Variants in POLR2F observed in about 807,000 individuals in gnomAD.
POLR2F encodes the protein DNA-directed RNA polymerases I, II, and III subunit RPABC2.
In POLR2F, 12 loss-of-function variants were observed where a neutral mutation model predicts 22.7. That is an observed-to-expected ratio of 0.53 (90% CI 0.34 to 0.86). The LOEUF (loss-of-function observed/expected upper bound fraction) is 0.86, where lower values mean the gene tolerates loss of function less well. Among genes scored for constraint, POLR2F ranks in the 40% least tolerant of loss-of-function variants. POLR2F has a pLI of 0.02. For synonymous variants in POLR2F, 57 were observed against 66.0 expected (o/e 0.86, Z 0.66); for missense variants, 126 against 171.5 (o/e 0.73, Z 1.48).
chr22:37,958,011 TA>T (rs1272992806), intron 2 of POLR2F, among the ~76,000 whole-genome samples: 2 of 152,128 alleles, frequency 1.3e-5, no homozygotes, highest in African/African-American at 4.8e-5. Context: ...TTGCTTGTTT[TA>T]AATTAAGAAG....
chr22:37,979,394 G>C (rs956091942), intron 4 of POLR2F, among the ~76,000 whole-genome samples: 2 of 152,176 alleles, frequency 1.3e-5, no homozygotes, highest in Non-Finnish European at 1.5e-5. Flanking sequence ...CACCGTGCCC[G>C]GCCCCAAGAG....
chr22:37,956,061 T>A (rs1483580583), intron 1 of POLR2F, among the ~76,000 whole-genome samples: 1 of 151,052 alleles, frequency 6.6e-6, no homozygotes, highest in African/African-American at 2.4e-5. Flanking sequence ...CCTCTTTGAT[T>A]TTTTTTTTGT....
chr22:38,034,271 G>C (rs1048025591), intron 5 of POLR2F: 1 of 166,816 alleles, frequency 6.0e-6, no homozygotes, highest in Non-Finnish European at 1.5e-5. Context: ...ACTGGGCCTC[G>C]GGCCACAGCC....
intron 1 of POLR2F, chr22:37,987,470 G>T: frequency 3.0e-6 from 1 of 335,394 alleles, no homozygotes; most frequent in Non-Finnish European, 5.7e-6. Context: ...TTTATGGAAG[G>T]CTCCGCCTGT....
chr22:37,975,032 C>T (rs139885), intron 4 of POLR2F, among the ~76,000 whole-genome samples: 97,791 of 152,128 alleles, frequency 0.64, 31,526 homozygotes, highest in East Asian at 0.75. Flanking sequence ...CCCCGTCATA[C>T]GCTGGCCTGT....
At chr22:37,985,855 G>GCT (rs1175494111), upstream of POLR2F, among the ~76,000 whole-genome samples, 2 of 141,552 alleles carry the variant, frequency 1.4e-5, no homozygotes, top group African/African-American at 5.3e-5. Flanking sequence ...ACACACACAT[G>GCT]CTCACACACA....
At chr22:37,975,534 G>A (rs1322448209) in intron 4 of POLR2F, among the ~76,000 whole-genome samples, 1 of 152,146 alleles carries the variant, frequency 6.6e-6, no homozygotes, top group Non-Finnish European at 1.5e-5. Flanking sequence ...TGTGTGGGAG[G>A]GATGACTGCC....
exon 2 of POLR2F, chr22:38,025,879 G>A (rs779242826): frequency 1.3e-5 from 12 of 901,870 alleles, no homozygotes; most frequent in South Asian, 3.9e-5. Context: ...GGCTGGGACC[G>A]TCTCTTCTCC....
At chr22:37,983,452 G>A (rs1395936283), upstream of POLR2F, 1 of 1,612,434 alleles carries the variant, frequency 6.2e-7, no homozygotes, top group Admixed American at 1.7e-5. This position sits in a 1 kb window ranked among gnomAD's most constrained non-coding sequence, Gnocchi z 9.5. Flanking sequence ...CCCACACCAT[G>A]AAGGCGTTCA....
chr22:38,008,998 G>A (rs1365462614), intron 1 of POLR2F, among the ~76,000 whole-genome samples: 1 of 152,220 alleles, frequency 6.6e-6, no homozygotes, highest in African/African-American at 2.4e-5. Context: ...TGAGAAGGTG[G>A]CATATGCATG....
chr22:37,983,956 C>T, upstream of POLR2F: 1 of 410,252 alleles, frequency 2.4e-6, no homozygotes, highest in Non-Finnish European at 4.0e-6. The surrounding 1 kb of genome is among the most constrained non-coding windows in gnomAD (Gnocchi z 9.5). Flanking sequence ...CCCGAGGTGG[C>T]GGCCCTTCCT....
rs186909100 is a variant in POLR2F, at chr22:38,040,652, G to C, written c.453-416G>C. The C allele has an allele frequency of 9.9e-4, 222 of 225,290 alleles. 1 individual carries two copies. The highest frequency in any genetic ancestry group is 1.6e-3 in the Non-Finnish European group (178 of 112,718). The allele number at this position is 225,290 out of a possible 1,614,324, so 14.0% of individuals were successfully genotyped here. On this transcript the variant is annotated intron_variant, in intron 5 of 5. Transcript: ENST00000407936. ...CCTAGCTCAGTGCCAGCACACAGTA[G>C]ATGTTCAGTAAATGCTTTGAATCAA...
In POLR2F at chr22:37,968,064, G is replaced by A. The variant is rs1245762043; in HGVS notation, c.*349G>A. Reference sequence around the variant, plus strand: ...TTGTGCCCAGGGAGCTGGTTGCCACGGAAACCCCCAATTTCCTTTCCAGTG... The same window carrying A: ...TTGTGCCCAGGGAGCTGGTTGCCACAGAAACCCCCAATTTCCTTTCCAGTG... On this transcript the variant is annotated 3_prime_UTR_variant, in exon 5 of 5. Coordinates refer to ENST00000442738, the MANE Select transcript of POLR2F (RefSeq NM_021974.5). 10 of 1,010,996 alleles carry A rather than the reference G, an allele frequency of 9.9e-6. No homozygotes were observed. Among genetic ancestry groups the A allele is most frequent in the African/African-American group, 3.5e-5 (2 of 57,842 alleles). 62.6% of individuals were successfully genotyped at this position (1,010,996 alleles called of 1,614,324 possible).
At chr22:37,981,491 G>A (rs1297100273), upstream of POLR2F, among the ~76,000 whole-genome samples, 2 of 152,204 alleles carry the variant, frequency 1.3e-5, no homozygotes, top group Non-Finnish European at 2.9e-5. Context: ...AAGTCCTCCT[G>A]AAGGGAGTCC....
At chr22:37,967,308 C>G in intron 4 of POLR2F, 138 bp downstream of exon 4, 7 of 1,516,564 alleles carry the variant, frequency 4.6e-6, no homozygotes, top group Non-Finnish European at 6.2e-6. Context: ...AACAGCTCAC[C>G]AGGAAGTAGG....
At chr22:38,030,837 C>T (rs976476209), downstream of POLR2F, among the ~76,000 whole-genome samples, 5 of 152,078 alleles carry the variant, frequency 3.3e-5, no homozygotes, top group East Asian at 1.9e-4. Context: ...AGTGGTTCCC[C>T]GGGGATCAGG....
At chr22:38,025,852 G>T (rs2085004005) in intron 1 of POLR2F, 4 of 1,138,694 alleles carry the variant, frequency 3.5e-6, no homozygotes, top group Non-Finnish European at 5.3e-6. Flanking sequence ...ACTTCACCAA[G>T]TTGACATCCT....
intron 1 of POLR2F, chr22:37,987,574 G>A: frequency 2.9e-6 from 1 of 340,484 alleles, no homozygotes; most frequent in South Asian, 2.4e-5. Context: ...TGAGATGAAG[G>A]TCAGGAAATC....
Position 37,968,280 on chromosome 22 carries a change from G to C in POLR2F, c.*565G>C. ...ACCCTCCCCAGGCAGAGCCCTGCTG[G>C]GCAAGTCAGCAGCTGGAGCAAGGAC... On this transcript the variant is annotated 3_prime_UTR_variant, in exon 5 of 5. Transcript: ENST00000442738. 1.0e-6 allele frequency: 1 copy of C among 985,702 alleles called. No homozygotes were observed. The highest frequency in any genetic ancestry group is 4.7e-5 in the South Asian group (1 of 21,294). 61.1% of individuals were successfully genotyped at this position (985,702 alleles called of 1,614,324 possible). A position where few individuals can be genotyped will look rare whatever the true frequency, so the allele number is the denominator to read the frequency against.
Sources: gnomAD v4.1 joint callset for allele counts (sites outside exome capture counted in the v4.1 genomes callset) on GRCh38, gnomAD v4.1.1 for gene constraint, Gnocchi (gnomAD v3.1) non-coding constraint, MANE v1.5 for transcripts, NCBI Gene and HGNC (gene_info 2026-07-23, HGNC 2026-07-21) for gene names.